SKIL: variants seen among roughly 807,000 people sequenced by gnomAD.
SKIL encodes ski-like protein.
SKIL carries 20 observed loss-of-function variants against 69.6 expected under a neutral mutation model. The observed-to-expected ratio is 0.29, with a 90% CI of 0.20 to 0.42. The LOEUF is 0.42. SKIL is among the 10% of genes least tolerant of loss of function. The pLI, the probability that SKIL is intolerant of heterozygous loss-of-function variation, is 1.00. For synonymous variants in SKIL, 310 were observed against 279.9 expected, an observed-to-expected ratio of 1.11 and a Z score of -1.08; for missense variants, 745 against 783.1, an observed-to-expected ratio of 0.95 and a Z score of 0.58.
At position 170,360,068 on chromosome 3, in the gene SKIL, A is replaced by G; in HGVS notation, c.-264A>G. On this transcript the variant is annotated 5_prime_UTR_variant, in exon 2 of 7. Coordinates refer to ENST00000259119, the MANE Select transcript of SKIL (RefSeq NM_005414.5). ...ATATCTGAAGAATTCAAGAAAACAA[A>G]GGCATCCTCAGAGGTGTGCCTCTTT... 1 of 338,984 alleles carries G rather than the reference A, an allele frequency of 2.9e-6. No homozygotes were observed. Among genetic ancestry groups the G allele is most frequent in the Non-Finnish European group, 5.3e-6 (1 of 188,514 alleles). The allele number at this position is 338,984 out of a possible 1,614,324, so 21.0% of individuals were successfully genotyped here.
intron 4 of SKIL, among the ~76,000 whole-genome samples, chr3:170,387,662 G>A (rs897133842): frequency 2.0e-5 from 3 of 149,268 alleles, no homozygotes; most frequent in African/African-American, 7.4e-5. Context: ...GGTGGCTCAC[G>A]CCTGTAATCC....
At chr3:170,377,667 G>C (rs1737102439) in intron 2 of SKIL, among the ~76,000 whole-genome samples, 1 of 146,140 alleles carries the variant, frequency 6.8e-6, no homozygotes, top group East Asian at 2.0e-4. Flanking sequence ...TCCTGCCTCA[G>C]CCTCCTGAGT....
chr3:170,361,739 CTTCT>C (rs1233849710), intron 2 of SKIL, among the ~76,000 whole-genome samples: 4 of 98,256 alleles, frequency 4.1e-5, no homozygotes, highest in Admixed American at 3.9e-4. Context: ...GGAGTTAGGG[CTTCT>C]TTTTTTTTTT....
chr3:170,359,075 C>A (rs1441360687), intron 1 of SKIL, among the ~76,000 whole-genome samples: 1 of 152,072 alleles, frequency 6.6e-6, no homozygotes, highest in East Asian at 1.9e-4. Context: ...TTTTCCCTCC[C>A]TTAAAATGGC....
rs1028818192 is a variant in SKIL at position 170,395,803 on chromosome 3, C to G, written c.*3386C>G. On this transcript the variant is annotated 3_prime_UTR_variant, in exon 7 of 7. Coordinates refer to ENST00000259119, the MANE Select transcript of SKIL (RefSeq NM_005414.5). ...AATATAAAGAAAAATCGTGCTCATA[C>G]TGTACATCTGTTTCTGTGCTTGGAA... 1.3e-5 allele frequency: 2 copies of G among 152,002 alleles called. No homozygotes were observed. The highest frequency in any genetic ancestry group is 4.8e-5 in the African/African-American group (2 of 41,430). 9.4% of individuals were successfully genotyped at this position (152,002 alleles called of 1,614,324 possible).
At chr3:170,377,478 A>G (rs1227240487) in intron 2 of SKIL, among the ~76,000 whole-genome samples, 1 of 149,182 alleles carries the variant, frequency 6.7e-6, no homozygotes, top group East Asian at 2.0e-4. Context: ...TCTTTTAAAA[A>G]TATTAATTTT....
chr3:170,378,004 C>T (rs1431286623), intron 2 of SKIL, among the ~76,000 whole-genome samples: 1 of 152,172 alleles, frequency 6.6e-6, no homozygotes, highest in African/African-American at 2.4e-5. Flanking sequence ...AGCGATTCTC[C>T]TGCCTCAGCC....
At position 170,393,078 on chromosome 3, in the gene SKIL, A is replaced by G. The variant is rs182347263; in HGVS notation, c.*661A>G. On this transcript the variant is annotated 3_prime_UTR_variant, in exon 7 of 7. Coordinates refer to ENST00000259119, the MANE Select transcript of SKIL (RefSeq NM_005414.5). ...CTGCTAAACAGAAGCAGCAGTTGTA[A>G]TTTGTTTTTCAGTTTAAATGTGGTT... 14 of 152,252 alleles carry G rather than the reference A, an allele frequency of 9.2e-5. No homozygotes were observed. The East Asian group carries it at 2.7e-3, about 29-fold the overall frequency. The allele number at this position is 152,252 out of a possible 1,614,324, so 9.4% of individuals were successfully genotyped here.
intron 4 of SKIL, among the ~76,000 whole-genome samples, chr3:170,386,868 C>T (rs1002508826): frequency 6.6e-5 from 10 of 152,112 alleles, no homozygotes; most frequent in Admixed American, 5.9e-4. Context: ...TATTTTATTT[C>T]TTAAATTAAT....
chr3:170,391,308 A>G (rs1455866967), intron 6 of SKIL, 48 bp downstream of exon 6: 1 of 1,087,028 alleles, frequency 9.2e-7, no homozygotes, highest in African/African-American at 1.6e-5. Context: ...ATGGAAATGG[A>G]AACTGTTACT....
At chr3:170,358,406 C>T (rs961241486) in intron 1 of SKIL, 1 of 152,282 alleles carries the variant, frequency 6.6e-6, no homozygotes, top group African/African-American at 2.4e-5. Context: ...TTCCCTCCAC[C>T]CCCTTGCACA....
intron 2 of SKIL, among the ~76,000 whole-genome samples, chr3:170,380,088 C>T (rs936832625): frequency 2.0e-5 from 3 of 152,092 alleles, no homozygotes; most frequent in Admixed American, 6.6e-5. Context: ...TTACCTTTCT[C>T]CTTATTTTTC....
intron 1 of SKIL, chr3:170,358,773 GGTT>G (rs939874347): frequency 3.9e-5 from 6 of 152,210 alleles, no homozygotes; most frequent in African/African-American, 1.2e-4. Context: ...TTCTTTGTGA[GGTT>G]TGTCTGCCTT....
intron 3 of SKIL, among the ~76,000 whole-genome samples, chr3:170,382,290 T>G (rs1337099152): frequency 3.9e-5 from 6 of 152,154 alleles, no homozygotes; most frequent in Non-Finnish European, 8.8e-5. Flanking sequence ...TGTGTTTCTA[T>G]GTGTTTTCTA....
Position 170,395,597 on chromosome 3 carries a change from A to G in SKIL, c.*3180A>G, listed in dbSNP as rs951408505. 1 of 152,110 alleles carries G rather than the reference A, an allele frequency of 6.6e-6. No homozygotes were observed. Among genetic ancestry groups the G allele is most frequent in the African/African-American group, 2.4e-5 (1 of 41,440 alleles). 9.4% of individuals were successfully genotyped at this position (152,110 alleles called of 1,614,324 possible). ...GAAGGTAAAGTTATAAGGAAACTCA[A>G]ATACTATAAGATGTGTCAAGGTATT... On this transcript the variant is annotated 3_prime_UTR_variant, in exon 7 of 7. Transcript: ENST00000259119.
At chr3:170,382,812 G>A (rs1476812815) in intron 3 of SKIL, among the ~76,000 whole-genome samples, 7 of 146,734 alleles carry the variant, frequency 4.8e-5, no homozygotes, top group South Asian at 4.3e-4. Flanking sequence ...TCCGCCTCCC[G>A]GGTTCAAGCA....
At chr3:170,377,328 C>G (rs1315615698) in intron 2 of SKIL, among the ~76,000 whole-genome samples, 1 of 149,244 alleles carries the variant, frequency 6.7e-6, no homozygotes, top group Non-Finnish European at 1.5e-5. Flanking sequence ...ACCTCTGTTC[C>G]CCTGTTTCGG....
intron 4 of SKIL, among the ~76,000 whole-genome samples, chr3:170,389,610 G>C (rs1737812051): frequency 6.6e-6 from 1 of 152,088 alleles, no homozygotes; most frequent in Admixed American, 6.5e-5. Flanking sequence ...CACCGCGCCT[G>C]GCCAGAAAAG....
At chr3:170,381,418 C>A in intron 3 of SKIL, 77 bp downstream of exon 3, 1 of 762,628 alleles carries the variant, frequency 1.3e-6, no homozygotes, top group Non-Finnish European at 2.4e-6. Flanking sequence ...TATTCTAGGA[C>A]ATGGGAATTT....
Sources: allele counts gnomAD v4.1 joint callset (sites outside exome capture counted in the v4.1 genomes callset), GRCh38; gene constraint gnomAD v4.1.1; transcripts MANE v1.5; gene names NCBI Gene and HGNC (gene_info 2026-07-23, HGNC 2026-07-21).